Variants in MYH14 observed in about 807,000 individuals in gnomAD.
MYH14 encodes myosin heavy chain 14.
A neutral mutation model predicts 255.5 loss-of-function variants in MYH14; 123 were observed. The ratio of observed to expected loss-of-function variants is 0.48; its 90% CI spans 0.42 to 0.56. MYH14 has a LOEUF of 0.56. Among genes scored for constraint, MYH14 ranks in the 20% least tolerant of loss-of-function variants. The pLI is 0.00. For synonymous variants in MYH14, 1,095 were observed against 1,161.2 expected (o/e 0.94, Z 1.16); for missense variants, 2,423 against 2,802.3 (o/e 0.86, Z 3.06).
At chr19:50,226,790 T>TG (rs71180683) in intron 7 of MYH14, 113 bp from the exon 8 acceptor site, 36 of 940,922 alleles carry the variant, frequency 3.8e-5, no homozygotes, top group South Asian at 1.8e-4. Flanking sequence ...AGCAAGGAAG[T>TG]GGGGGGGCAG....
At chr19:50,255,165 C>T in intron 16 of MYH14, 55 bp from the exon 17 acceptor site, 11 of 1,153,862 alleles carry the variant, frequency 9.5e-6, no homozygotes, top group Non-Finnish European at 1.3e-5. Flanking sequence ...TCTCTCTCCG[C>T]CATCTCTCTG....
Position 50,289,654 on chromosome 19 carries a change from G to C in MYH14, c.4965+6G>C, listed in dbSNP as rs575759922. 1 of 1,602,302 alleles carries C rather than the reference G, an allele frequency of 6.2e-7. No individual in the cohort carries two copies. Among genetic ancestry groups the C allele is most frequent in the South Asian group, 1.1e-5 (1 of 89,360 alleles). On this transcript the variant is annotated splice_donor_region_variant and intron_variant, in intron 35 of 42. Transcript: ENST00000642316. ...GGAGGCAGCTGGCCAAGCAGGTATT[G>C]TCACACAGAAGGCCACAGGGTGCCA...
intron 33 of MYH14, among the ~76,000 whole-genome samples, chr19:50,283,890 T>C (rs1484313395): frequency 6.6e-6 from 1 of 152,084 alleles, no homozygotes; most frequent in South Asian, 2.1e-4. Flanking sequence ...CTGACCAACA[T>C]GGAGAAACCC....
chr19:50,239,024 A>C (rs1419318788), intron 10 of MYH14, among the ~76,000 whole-genome samples: 1 of 151,818 alleles, frequency 6.6e-6, no homozygotes, highest in Non-Finnish European at 1.5e-5. Flanking sequence ...AACAAAAAAA[A>C]TTCTCTCTTG....
intron 1 of MYH14, among the ~76,000 whole-genome samples, chr19:50,206,464 T>C (rs1265140926): frequency 6.6e-6 from 1 of 151,856 alleles, no homozygotes; most frequent in Non-Finnish European, 1.5e-5. Context: ...GGAGTTTGGG[T>C]CCGGTGTATC....
intron 2 of MYH14, among the ~76,000 whole-genome samples, chr19:50,211,357 C>A (rs2032186592): frequency 6.6e-6 from 1 of 152,040 alleles, no homozygotes; most frequent in South Asian, 2.1e-4. Flanking sequence ...AAGCAAAAAC[C>A]TTATGCTAGG....
intron 19 of MYH14, 86 bp downstream of exon 19, chr19:50,259,351 A>T: frequency 6.6e-7 from 1 of 1,504,388 alleles, no homozygotes; most frequent in Non-Finnish European, 9.0e-7. Flanking sequence ...TCAGGTCTCC[A>T]CCCACTCTTG....
chr19:50,219,136 A>G (rs894140272), intron 3 of MYH14, among the ~76,000 whole-genome samples: 3 of 145,248 alleles, frequency 2.1e-5, no homozygotes, highest in African/African-American at 7.4e-5. Context: ...GTGTGTATAC[A>G]CACCATGGAA....
Position 50,261,569 on chromosome 19 carries a change from G to A in MYH14, c.2519G>A (p.Arg840Gln), listed in dbSNP as rs370936318. Reference protein sequence around the residue: ...AGVLAQLEEERDLKVTDIIVS... With the variant: ...AGVLAQLEEEQDLKVTDIIVS... ...GTCCTGGCCCAGCTGGAAGAGGAGC[G>A]AGACCTGAAGGTCACCGACATCATC... The change falls in exon 21 of 43, where the codon CGA (arginine) becomes CAA (glutamine). Residue 840 changes from arginine to glutamine, a missense_variant. Arg to Gln is a conservative substitution (Grantham distance 43, BLOSUM62 1). This residue lies in a region of MYH14 where 1,513 missense variants were observed against 1,674.8 expected (regional missense o/e 0.90). Transcript: ENST00000642316. The A allele has an allele frequency of 6.9e-6, 11 of 1,602,172 alleles. No individual in the cohort carries two copies. Among genetic ancestry groups the A allele is most frequent in the East Asian group, 2.3e-5 (1 of 43,904 alleles).
intron 33 of MYH14, chr19:50,286,161 TAAAAA>T (rs148618029): frequency 4.9e-6 from 1 of 204,926 alleles, no homozygotes. Context: ...TACTGTGTCT[TAAAAA>T]AAAACAGTAA....
chr19:50,274,274 A>G (rs2035425087), intron 27 of MYH14, among the ~76,000 whole-genome samples: 1 of 151,948 alleles, frequency 6.6e-6, no homozygotes, highest in Non-Finnish European at 1.5e-5. Flanking sequence ...CTGTGTAACC[A>G]TCACCTCTAT....
rs1437751520 is a variant in MYH14, at chr19:50,250,394, C to T, written c.1657-121C>T. ...GGGATTACAGGCGTGAGCCACCGTGCCTGGCATCTCACGTTTGTTTTTATG... is the reference window on the plus strand; with the variant it reads ...GGGATTACAGGCGTGAGCCACCGTGTCTGGCATCTCACGTTTGTTTTTATG... On this transcript the variant is annotated intron_variant, in intron 14 of 42. Coordinates refer to ENST00000642316, the MANE Select transcript of MYH14 (RefSeq NM_001145809.2). The surrounding 1 kb of genome is among the most constrained non-coding windows in gnomAD (Gnocchi z 5.4). 3 of 1,025,204 alleles carry T rather than the reference C, an allele frequency of 2.9e-6. No homozygotes were observed. Among genetic ancestry groups the T allele is most frequent in the Admixed American group, 2.1e-5 (1 of 47,096 alleles). The allele number at this position is 1,025,204 out of a possible 1,614,324, so 63.5% of individuals were successfully genotyped here.
intron 6 of MYH14, among the ~76,000 whole-genome samples, chr19:50,224,666 A>T (rs947667248): frequency 6.6e-6 from 1 of 152,196 alleles, no homozygotes; most frequent in African/African-American, 2.4e-5. Context: ...AGGCTCTGAC[A>T]CCAAGGGGGC....
intron 10 of MYH14, 133 bp downstream of exon 10, chr19:50,232,203 C>T: frequency 8.8e-7 from 1 of 1,137,734 alleles, no homozygotes; most frequent in Non-Finnish European, 1.2e-6. Flanking sequence ...GGGGCCAGAG[C>T]AGGGAATGAG....
At position 50,254,615 on chromosome 19, in the gene MYH14, G is replaced by A. The variant is rs1250641480; in HGVS notation, c.1946-605G>A. 2.6e-5 allele frequency among the ~76,000 whole-genome samples: 4 copies of A among 152,274 alleles called. No homozygotes were observed. The South Asian group carries it at 8.3e-4, about 32-fold the overall frequency. On this transcript the variant is annotated intron_variant, in intron 16 of 42. Coordinates refer to ENST00000642316, the MANE Select transcript of MYH14 (RefSeq NM_001145809.2). Reference sequence around the variant, plus strand: ...GCTCAGCCTCCCGAGTAGCTGGGGAGCTGCCATAATGTCACTTCCTCCATA... The same window carrying A: ...GCTCAGCCTCCCGAGTAGCTGGGGAACTGCCATAATGTCACTTCCTCCATA...
At chr19:50,217,307 A>T (rs963980582) in intron 2 of MYH14, among the ~76,000 whole-genome samples, 6 of 152,198 alleles carry the variant, frequency 3.9e-5, no homozygotes, top group African/African-American at 1.4e-4. Context: ...CACCTCGCAC[A>T]TGGTCATTTC....
At position 50,261,521 on chromosome 19, in the gene MYH14, G is replaced by T; in HGVS notation, c.2471G>T (p.Ser824Ile). ...LDPNLYRVGQ[S>I]KIFFRAGVLA... is the part of the protein sequence containing the mutation. ...CCCAACCTCTACCGCGTGGGACAGA[G>T]CAAGATCTTCTTCCGGGCTGGGGTC... The change falls in exon 21 of 43, where the codon AGC (serine) becomes ATC (isoleucine). Residue 824 changes from serine (S) to isoleucine (I), a missense_variant. Around this residue, in one of 3 missense-constraint regions of MYH14, gnomAD observed 1,513 missense variants for 1,674.8 expected, o/e 0.90. Transcript: ENST00000642316. 6.3e-7 allele frequency: 1 copy of T among 1,586,688 alleles called. No individual in the cohort carries two copies.
chr19:50,242,225 A>G (rs2033921482), intron 10 of MYH14, among the ~76,000 whole-genome samples: 1 of 152,208 alleles, frequency 6.6e-6, no homozygotes, highest in South Asian at 2.1e-4. Flanking sequence ...TGCACTTTCT[A>G]GAACTCTGCA....
chr19:50,285,852 T>C (rs898440941), intron 33 of MYH14: 4 of 152,246 alleles, frequency 2.6e-5, no homozygotes, highest in African/African-American at 9.6e-5. Context: ...AGTTTACTGA[T>C]TCTCCTGATG....
Sources: gnomAD v4.1 joint callset for allele counts (sites outside exome capture counted in the v4.1 genomes callset) on GRCh38, gnomAD v4.1.1 for gene constraint, gnomAD v4.1.1 regional missense constraint, Gnocchi (gnomAD v3.1) non-coding constraint, MANE v1.5 for transcripts, NCBI Gene and HGNC (gene_info 2026-07-23, HGNC 2026-07-21) for gene names.